BMP5: variants seen among roughly 807,000 people sequenced by gnomAD.
BMP5 encodes bone morphogenetic protein 5.
Under a neutral mutation model 46.6 loss-of-function variants are expected in BMP5, and 23 were observed. That is an observed-to-expected ratio of 0.49 (90% CI 0.35 to 0.70). BMP5 has a LOEUF of 0.70. BMP5 is among the 30% of genes least tolerant of loss of function. BMP5 has a pLI of 0.00. For missense variants in BMP5, 545 were observed against 565.6 expected, an observed-to-expected ratio of 0.96 and a Z score of 0.37; for synonymous variants, 204 against 191.9, an observed-to-expected ratio of 1.06 and a Z score of -0.52.
At chr6:55,833,943 GC>G (rs1776723401) in intron 1 of BMP5, among the ~76,000 whole-genome samples, 1 of 152,022 alleles carries the variant, frequency 6.6e-6, no homozygotes, top group Admixed American at 6.6e-5. Context: ...GAGATATTAT[GC>G]AAAAATCTAT....
chr6:55,835,909 G>A (rs1776782858), intron 1 of BMP5, among the ~76,000 whole-genome samples: 1 of 152,160 alleles, frequency 6.6e-6, no homozygotes, highest in South Asian at 2.1e-4. Context: ...AAGTTAAACA[G>A]CATTAGTTTG....
At chr6:55,828,724 T>G (rs576347850) in intron 1 of BMP5, among the ~76,000 whole-genome samples, 1 of 151,962 alleles carries the variant, frequency 6.6e-6, no homozygotes, top group African/African-American at 2.4e-5. Context: ...GACAAGTATA[T>G]TTTATTTGCT....
At chr6:55,767,242 C>G (rs1012794780) in intron 4 of BMP5, among the ~76,000 whole-genome samples, 1 of 151,970 alleles carries the variant, frequency 6.6e-6, no homozygotes, top group Non-Finnish European at 1.5e-5. Flanking sequence ...CCTGTGACCA[C>G]AGGTATGAGT....
chr6:55,791,558 A>G (rs187553579), intron 3 of BMP5, among the ~76,000 whole-genome samples: 1 of 152,340 alleles, frequency 6.6e-6, no homozygotes. Flanking sequence ...AAGTAAAATT[A>G]CCCATGTAAT....
At chr6:55,799,519 T>C (rs1401512016) in intron 2 of BMP5, among the ~76,000 whole-genome samples, 1 of 152,214 alleles carries the variant, frequency 6.6e-6, no homozygotes, top group East Asian at 1.9e-4. Context: ...TTTAGAAGTT[T>C]ACCTGTGGAG....
chr6:55,794,756 CA>C (rs985609007), intron 2 of BMP5, among the ~76,000 whole-genome samples: 10 of 152,066 alleles, frequency 6.6e-5, no homozygotes, highest in Non-Finnish European at 1.3e-4. Flanking sequence ...AAGTAGTCCT[CA>C]AAACAAAGGA....
intron 5 of BMP5, 62 bp downstream of exon 5, chr6:55,760,395 G>C: frequency 4.8e-6 from 7 of 1,460,514 alleles, no homozygotes; most frequent in African/African-American, 2.8e-5. Flanking sequence ...CAAAGACTAT[G>C]ACTTATTAAG....
At chr6:55,826,719 AAATT>A (rs1377741748) in intron 1 of BMP5, among the ~76,000 whole-genome samples, 4 of 151,666 alleles carry the variant, frequency 2.6e-5, no homozygotes, top group East Asian at 1.9e-4. Context: ...TTGTAGCAAT[AAATT>A]AATTAATGAA....
chr6:55,849,278 T>C (rs1005925634), intron 1 of BMP5, among the ~76,000 whole-genome samples: 1 of 152,038 alleles, frequency 6.6e-6, no homozygotes, highest in African/African-American at 2.4e-5. Context: ...ACTTGTTGAA[T>C]ATATAAATAA....
chr6:55,861,648 T>C (rs1249303095), intron 1 of BMP5, among the ~76,000 whole-genome samples: 1 of 152,204 alleles, frequency 6.6e-6, no homozygotes, highest in Non-Finnish European at 1.5e-5. Context: ...AACTCATCTA[T>C]CAAAAGCCCG....
intron 3 of BMP5, among the ~76,000 whole-genome samples, chr6:55,775,435 A>G (rs989040908): frequency 1.3e-5 from 2 of 151,944 alleles, no homozygotes; most frequent in Admixed American, 6.6e-5. Flanking sequence ...AACCATTGAT[A>G]TCTGGTTCAA....
intron 2 of BMP5, among the ~76,000 whole-genome samples, chr6:55,801,242 A>G (rs1415561185): frequency 1.3e-5 from 2 of 152,184 alleles, no homozygotes; most frequent in Admixed American, 6.5e-5. Context: ...TTAGAAGACT[A>G]CCTTGTGGTC....
chr6:55,868,886 T>C (rs1345613663), intron 1 of BMP5, among the ~76,000 whole-genome samples: 1 of 152,212 alleles, frequency 6.6e-6, no homozygotes, highest in Non-Finnish European at 1.5e-5. Context: ...TTAAAGGATA[T>C]CTTAGCCAAG....
intron 1 of BMP5, among the ~76,000 whole-genome samples, chr6:55,822,697 C>A (rs962226284): frequency 7.9e-5 from 12 of 152,052 alleles, no homozygotes; most frequent in Non-Finnish European, 1.5e-4. Context: ...GTATTGAATT[C>A]ATGTTATGTA....
chr6:55,758,511 C>CAGG (rs1007055833), intron 6 of BMP5, among the ~76,000 whole-genome samples: 7 of 151,844 alleles, frequency 4.6e-5, no homozygotes, highest in South Asian at 2.1e-4. Context: ...TTAAAGATTA[C>CAGG]AGGAGGAGGA....
At position 55,774,101 on chromosome 6, in the gene BMP5, G is replaced by T; in HGVS notation, c.975C>A (p.Asn325Lys). 6.2e-7 allele frequency: 1 copy of T among 1,613,042 alleles called. No homozygotes were observed. Among genetic ancestry groups the T allele is most frequent in the Admixed American group, 1.7e-5 (1 of 59,856 alleles). The change falls in exon 4 of 7, where the codon AAC (asparagine) becomes AAA (lysine). Residue 325 changes from asparagine (N) to lysine (K), a missense_variant. Coordinates refer to ENST00000370830, the MANE Select transcript of BMP5 (RefSeq NM_021073.4). ...CCTGATGAGAGCTGGATTTATTGCG[G>T]TTTTGATTTTTTCGTTTGTTGGCTG... ...VRAANKRKNQNRNKSSSHQDS... is the reference protein window; with the variant it reads ...VRAANKRKNQKRNKSSSHQDS...
intron 1 of BMP5, among the ~76,000 whole-genome samples, chr6:55,868,501 G>A (rs776955983): frequency 6.6e-6 from 1 of 152,040 alleles, no homozygotes; most frequent in Non-Finnish European, 1.5e-5. Flanking sequence ...GATTTATGGG[G>A]TTTTTTGTTT....
intron 5 of BMP5, among the ~76,000 whole-genome samples, chr6:55,759,704 A>G (rs559748270): frequency 6.6e-6 from 1 of 152,004 alleles, no homozygotes; most frequent in East Asian, 1.9e-4. Context: ...AATTCCTAAA[A>G]ACTGAACATG....
chr6:55,859,610 G>C (rs1010562679), intron 1 of BMP5, among the ~76,000 whole-genome samples: 2 of 152,136 alleles, frequency 1.3e-5, no homozygotes, highest in Admixed American at 6.5e-5. Context: ...TAAAGTATAA[G>C]AGGAAATGTA....
Sources: gnomAD v4.1 joint callset for allele counts (sites outside exome capture counted in the v4.1 genomes callset) on GRCh38, gnomAD v4.1.1 for gene constraint, MANE v1.5 for transcripts, NCBI Gene and HGNC (gene_info 2026-07-23, HGNC 2026-07-21) for gene names.